The following PABPC4 variants were observed in gnomAD, a reference collection of about 807,000 sequenced individuals.
PABPC4 encodes polyadenylate-binding protein 4.
Under a neutral mutation model 74.5 loss-of-function variants are expected in PABPC4, and 15 were observed. That is an observed-to-expected ratio of 0.20 (90% CI 0.13 to 0.31). The LOEUF is 0.31. Among genes scored for constraint, PABPC4 ranks in the 10% least tolerant of loss-of-function variants. PABPC4 has a pLI of 1.00. For missense variants in PABPC4, 610 were observed against 853.5 expected, an observed-to-expected ratio of 0.71 and a Z score of 3.55; for synonymous variants, 345 against 303.0, an observed-to-expected ratio of 1.14 and a Z score of -1.44.
chr1:39,562,868 C>T (rs2124439321), intron 12 of PABPC4: 1 of 154,744 alleles, frequency 6.5e-6, no homozygotes, highest in South Asian at 2.1e-4. Context: ...TTTATAATTA[C>T]ATTCCACATC....
intron 1 of PABPC4, 45 bp downstream of exon 1, chr1:39,575,714 G>C: frequency 6.9e-7 from 1 of 1,456,458 alleles, no homozygotes; most frequent in Non-Finnish European, 9.2e-7. Flanking sequence ...CGACTCCCGG[G>C]GTCCTCCGGG....
At chr1:39,567,441 C>T (rs1051602293) in intron 7 of PABPC4, 10 of 542,990 alleles carry the variant, frequency 1.8e-5, no homozygotes, top group Admixed American at 7.7e-5. Flanking sequence ...ATTTCCTCTG[C>T]TCATTCTGTA....
In PABPC4 at chr1:39,567,868, T is replaced by C. The variant is rs770119838; in HGVS notation, c.877-22A>G. Reference sequence around the variant, plus strand: ...CCCCCTGAAGGAAAAAGATCACTGTTAACTACACTTCTATATCACAAATAT... The same window carrying C: ...CCCCCTGAAGGAAAAAGATCACTGTCAACTACACTTCTATATCACAAATAT... On this transcript the variant is annotated intron_variant, in intron 6 of 15. Coordinates refer to ENST00000372858, the MANE Select transcript of PABPC4 (RefSeq NM_001135653.2). 9.1e-6 allele frequency: 12 copies of C among 1,315,900 alleles called. No individual in the cohort carries two copies. In the Admixed American group the frequency reaches 2.0e-4, roughly 22 times the overall value. The allele number at this position is 1,315,900 out of a possible 1,614,324, so 81.5% of individuals were successfully genotyped here.
At chr1:39,562,839 G>A (rs1645784053) in intron 12 of PABPC4, 1 of 158,546 alleles carries the variant, frequency 6.3e-6, no homozygotes, top group East Asian at 1.9e-4. Flanking sequence ...TTGGATCAAA[G>A]GGAGTAAATA....
intron 1 of PABPC4, 24 bp downstream of exon 1, chr1:39,575,735 C>G (rs375975019): frequency 6.5e-7 from 1 of 1,533,084 alleles, no homozygotes; most frequent in Non-Finnish European, 8.8e-7. Flanking sequence ...CTCCCACGCA[C>G]GTGTGGGCAC....
chr1:39,571,206 G>A, intron 3 of PABPC4, 28 bp downstream of exon 3: 1 of 1,613,686 alleles, frequency 6.2e-7, no homozygotes, highest in Non-Finnish European at 8.5e-7. Context: ...CTCATGCGAT[G>A]GTTGTTGCTC....
Position 39,572,477 on chromosome 1 carries a change from G to A in PABPC4, c.303C>T (p.Val101=). The change falls in exon 2 of 16, where the codon GTC becomes GTT. Residue 101 remains valine (V), a synonymous_variant. Coordinates refer to ENST00000372858, the MANE Select transcript of PABPC4 (RefSeq NM_001135653.2). The part of the protein sequence containing the change: ...PSLRKSGVGN[V]FIKNLDKSID... ...TAGATTTGTCCAGGTTCTTGATGAA[G>A]ACGTTTCCCACACCAGATTTTCTCA... is the stretch of plus-strand genomic sequence containing the variant. The A allele has an allele frequency of 3.7e-6, 6 of 1,614,034 alleles. No homozygotes were observed. Among genetic ancestry groups the A allele is most frequent in the African/African-American group, 1.3e-5 (1 of 75,036 alleles).
At chr1:39,572,281 T>C in intron 2 of PABPC4, 112 bp downstream of exon 2, 24 of 839,010 alleles carry the variant, frequency 2.9e-5, no homozygotes, top group Middle Eastern at 3.5e-4. Context: ...TCCAGCATTT[T>C]GAAAATTCCC....
Position 39,561,681 on chromosome 1 carries a change from A to G in PABPC4, c.*13+4T>C. The G allele has an allele frequency of 6.2e-7, 1 of 1,601,718 alleles. No individual in the cohort carries two copies. ...GGAACAAAAATGAAAATAGCCACAC[A>G]TACGGTTTTTCCTTGTCTAAGAGGT... On this transcript the variant is annotated splice_donor_region_variant and intron_variant, in intron 15 of 15. Transcript: ENST00000372858.
At chr1:39,571,740 G>T in intron 2 of PABPC4, 1 of 395,566 alleles carries the variant, frequency 2.5e-6, no homozygotes, top group Non-Finnish European at 5.0e-6. Context: ...GAGTGTGGTG[G>T]CACGTGCCTG....
chr1:39,571,767 G>A (rs1233085540), intron 2 of PABPC4: 2 of 368,434 alleles, frequency 5.4e-6, no homozygotes, highest in African/African-American at 4.2e-5. Flanking sequence ...CAGCTACTTG[G>A]GAGGCTGAGG....
chr1:39,572,132 AAAG>A, intron 2 of PABPC4, among the ~76,000 whole-genome samples: 1 of 152,288 alleles, frequency 6.6e-6, no homozygotes, highest in East Asian at 1.9e-4. Context: ...CCCCATCCCA[AAAG>A]AAAAACGTGG....
At chr1:39,564,008 G>A (rs1427238400) in intron 10 of PABPC4, 86 bp from the exon 11 acceptor site, 11 of 1,263,372 alleles carry the variant, frequency 8.7e-6, no homozygotes, top group South Asian at 1.2e-5. Context: ...TTCAAAGCAC[G>A]TTTACGCAAC....
rs1645792311 is a variant in PABPC4, at chr1:39,563,482, G to T, written c.1668+132C>A. The T allele has an allele frequency of 3.4e-6, 4 of 1,190,012 alleles. No homozygotes were observed. In the East Asian group the frequency reaches 1.0e-4, roughly 30 times the overall value. The allele number at this position is 1,190,012 out of a possible 1,614,324, so 73.7% of individuals were successfully genotyped here. A position where few individuals can be genotyped will look rare whatever the true frequency, so the allele number is the denominator to read the frequency against. ...AGTGAGCCCCTGAAGGGCAGGGACA[G>T]TGAATCAGAACATAGCGTCATAACA... is the stretch of plus-strand genomic sequence containing the variant. On this transcript the variant is annotated intron_variant, in intron 12 of 15. Coordinates refer to ENST00000372858, the MANE Select transcript of PABPC4 (RefSeq NM_001135653.2).
At chr1:39,567,362 T>C (rs1570383297) in intron 7 of PABPC4, 1 of 519,732 alleles carries the variant, frequency 1.9e-6, no homozygotes, top group Admixed American at 1.9e-5. Flanking sequence ...AATACCTTCA[T>C]TCTCAAGGAG....
Position 39,569,595 on chromosome 1 carries a change from C to T in PABPC4, c.738G>A (p.Lys246=). Residue 246 remains lysine, a splice_region_variant and synonymous_variant, in exon 5 of 16, where the codon AAG becomes AAA. Coordinates refer to ENST00000372858, the MANE Select transcript of PABPC4 (RefSeq NM_001135653.2). ...VSYEKHEDAN[K]AVEEMNGKEI... is the part of the protein sequence containing the mutation. ...TTCCCAATCTTTGTGGTATACTCAC[C>T]TTATTGGCATCCTCGTGTTTTTCGT... 1 of 1,612,438 alleles carries T rather than the reference C, an allele frequency of 6.2e-7. No homozygotes were observed. Among genetic ancestry groups the T allele is most frequent in the Non-Finnish European group, 8.5e-7 (1 of 1,178,422 alleles).
chr1:39,567,389 G>A (rs974541766), intron 7 of PABPC4: 1 of 524,364 alleles, frequency 1.9e-6, no homozygotes, highest in Non-Finnish European at 3.8e-6. Context: ...TGGCAGAGCT[G>A]TAGAGACAGG....
intron 1 of PABPC4, 66 bp downstream of exon 1, chr1:39,575,693 C>T (rs1207189958): frequency 1.1e-5 from 15 of 1,352,842 alleles, no homozygotes; most frequent in Non-Finnish European, 3.0e-6. Context: ...CAGGAGGGCC[C>T]TGCCAGAAGA....
chr1:39,567,275 G>A (rs1022549246), intron 7 of PABPC4: 6 of 416,476 alleles, frequency 1.4e-5, no homozygotes, highest in Admixed American at 2.9e-5. Flanking sequence ...ACGAAACATA[G>A]AAAAACCTTC....
Sources: gnomAD v4.1 joint callset for allele counts (sites outside exome capture counted in the v4.1 genomes callset) on GRCh38, gnomAD v4.1.1 for gene constraint, MANE v1.5 for transcripts, NCBI Gene and HGNC (gene_info 2026-07-23, HGNC 2026-07-21) for gene names.